Variants in RAD52 observed in about 807,000 individuals in gnomAD.
RAD52 encodes the protein DNA repair protein RAD52 homolog.
In RAD52, 47 loss-of-function variants were observed where a neutral mutation model predicts 55.5. The observed-to-expected ratio is 0.85, with a 90% CI of 0.67 to 1.08. RAD52 has a LOEUF of 1.08. Among genes scored for constraint, RAD52 ranks in the 50% least tolerant of loss-of-function variants. RAD52 has a pLI of 0.00. For missense variants in RAD52, 468 were observed against 522.8 expected, an observed-to-expected ratio of 0.90 and a Z score of 1.02; for synonymous variants, 184 against 198.9, an observed-to-expected ratio of 0.92 and a Z score of 0.63.
chr12:975,154 T>C (rs1958918887), intron 1 of RAD52: 1 of 149,332 alleles, frequency 6.7e-6, no homozygotes, highest in African/African-American at 2.5e-5. Flanking sequence ...AGGAAAAACA[T>C]AATATGTATA....
intron 6 of RAD52, chr12:926,733 T>C: frequency 1.4e-6 from 2 of 1,442,286 alleles, no homozygotes; most frequent in Admixed American, 4.2e-5. Flanking sequence ...TATTCCTGTA[T>C]AGCAACATAA....
chr12:916,764 C>CA lies in RAD52; in HGVS notation c.599dup (p.Glu201GlyfsTer85). ...GGCAGCTGTTGTATCTTGCCTCCTC[C>CA]ACAGACGGTTCAAGATCTTGTCTCT... On this transcript the variant is annotated frameshift_variant, in exon 8 of 12. Coordinates refer to ENST00000358495, the MANE Select transcript of RAD52 (RefSeq NM_134424.4). LOFTEE classifies it high-confidence loss of function. The CA allele has an allele frequency of 6.2e-7, 1 of 1,614,180 alleles. No homozygotes were observed. Among genetic ancestry groups the CA allele is most frequent in the South Asian group, 1.1e-5 (1 of 91,082 alleles).
upstream of RAD52, among the ~76,000 whole-genome samples, chr12:952,229 G>A (rs1397013308): frequency 6.6e-6 from 1 of 152,124 alleles, no homozygotes; most frequent in Non-Finnish European, 1.5e-5. Flanking sequence ...CTCCCAAAGT[G>A]CTGGAACTGC....
At chr12:919,712 C>T (rs1252405195) in intron 7 of RAD52, among the ~76,000 whole-genome samples, 1 of 111,636 alleles carries the variant, frequency 9.0e-6, no homozygotes, top group Non-Finnish European at 1.9e-5. Context: ...GATAGCGCCA[C>T]TGCACTCCAG....
chr12:963,329 A>T (rs2154120785), intron 1 of RAD52, among the ~76,000 whole-genome samples: 1 of 152,158 alleles, frequency 6.6e-6, no homozygotes, highest in Admixed American at 6.6e-5. Flanking sequence ...TTATTAATCC[A>T]CTCCCATGTG....
chr12:972,958 C>T (rs983205939), intron 1 of RAD52, among the ~76,000 whole-genome samples: 2 of 151,790 alleles, frequency 1.3e-5, no homozygotes, highest in Non-Finnish European at 2.9e-5. Flanking sequence ...GATTTTACTC[C>T]GAGTGAGACT....
intron 10 of RAD52, 26 bp downstream of exon 10, chr12:914,405 G>A: frequency 1.9e-6 from 3 of 1,613,024 alleles, no homozygotes; most frequent in Non-Finnish European, 2.5e-6. Flanking sequence ...CAGCACAGTA[G>A]CTTACAAGCA....
chr12:914,295 A>T, intron 10 of RAD52, 136 bp downstream of exon 10: 1 of 1,368,626 alleles, frequency 7.3e-7, no homozygotes, highest in Non-Finnish European at 9.8e-7. Flanking sequence ...CCAAAGAGGA[A>T]CTGGACATAT....
chr12:978,890 G>GA (rs145600412), intron 1 of RAD52, among the ~76,000 whole-genome samples: 2 of 149,522 alleles, frequency 1.3e-5, no homozygotes, highest in South Asian at 2.1e-4. Flanking sequence ...TAGATGATAG[G>GA]TAGATAGATA....
At chr12:926,032 G>C (rs1957015637) in intron 6 of RAD52, among the ~76,000 whole-genome samples, 1 of 152,146 alleles carries the variant, frequency 6.6e-6, no homozygotes, top group African/African-American at 2.4e-5. Flanking sequence ...GATATGGTTT[G>C]GATGTTTATC....
At chr12:924,990 G>A (rs1344576712) in intron 7 of RAD52, among the ~76,000 whole-genome samples, 6 of 142,012 alleles carry the variant, frequency 4.2e-5, no homozygotes, top group South Asian at 4.4e-4. Context: ...TGGCTCTGTC[G>A]CCCAGGTTGG....
intron 5 of RAD52, 164 bp downstream of exon 5, chr12:929,655 G>A (rs940667284): frequency 1.0e-5 from 8 of 797,522 alleles, no homozygotes; most frequent in Non-Finnish European, 1.6e-5. Flanking sequence ...TTCTTTTAGG[G>A]AGCACATGAG....
intron 1 of RAD52, chr12:976,154 C>A (rs1374910024): frequency 1.3e-5 from 2 of 152,232 alleles, no homozygotes; most frequent in African/African-American, 2.4e-5. Flanking sequence ...CCCGTCTCCA[C>A]TAAAAATACA....
rs71896741 is a variant in RAD52, at chr12:912,527, A to ATATTC, written c.*863_*864insGAATA. On this transcript the variant is annotated 3_prime_UTR_variant, in exon 12 of 12. Coordinates refer to ENST00000358495, the MANE Select transcript of RAD52 (RefSeq NM_134424.4). ...CATTTCAGATAAGCAATATATATAT[A>ATATTC]TTCTATTTTGTTAATAAGGTATACG... is the stretch of plus-strand genomic sequence containing the variant. The ATATTC allele has an allele frequency of 1.1e-5, 2 of 184,040 alleles. No individual in the cohort carries two copies. The highest frequency in any genetic ancestry group is 6.3e-5 in the Admixed American group (1 of 15,992). The allele number at this position is 184,040 out of a possible 1,614,324, so 11.4% of individuals were successfully genotyped here.
rs770234586 is a variant in RAD52 at position 916,430 on chromosome 12, C to T, written c.779G>A (p.Arg260Gln). ...GAACTGCTGCTGCAGCTGCTTCTGC[C>T]GGAGCTTCCGCTGGTGCGTGGCCTC... The part of the protein sequence containing the change: ...ESEATHQRKL[R>Q]QKQLQQQFRE... Residue 260 changes from arginine (R) to glutamine (Q), a missense_variant, in exon 9 of 12, where the codon CGG becomes CAG. By Grantham distance (43) the Arg-to-Gln change is conservative. Coordinates refer to ENST00000358495, the MANE Select transcript of RAD52 (RefSeq NM_134424.4). 1.1e-5 allele frequency: 17 copies of T among 1,607,616 alleles called. No individual in the cohort carries two copies. The Admixed American group carries it at 1.2e-4, about 11-fold the overall frequency.
chr12:913,436 A>G lies in RAD52; in HGVS notation c.1212T>C (p.His404=), dbSNP rs754459541. The change falls in exon 12 of 12, where the codon CAT becomes CAC. Residue 404 remains histidine (H), a synonymous_variant. Coordinates refer to ENST00000358495, the MANE Select transcript of RAD52 (RefSeq NM_134424.4). Reference sequence around the variant, plus strand: ...TTTTCTTCATGTCCTGGCTCTTCCTATGAGATTCCCAGTTTCCTATGGAAG... The same window carrying G: ...TTTTCTTCATGTCCTGGCTCTTCCTGTGAGATTCCCAGTTTCCTATGGAAG... The part of the protein sequence containing the change: ...DQRTTGNWES[H]RKSQDMKKRK... The G allele has an allele frequency of 7.5e-6, 12 of 1,606,034 alleles. No individual in the cohort carries two copies. The highest frequency in any genetic ancestry group is 2.7e-5 in the African/African-American group (2 of 74,662).
intron 5 of RAD52, among the ~76,000 whole-genome samples, chr12:928,021 G>A (rs187110631): frequency 2.0e-5 from 3 of 152,256 alleles, no homozygotes; most frequent in East Asian, 3.9e-4. Flanking sequence ...CACATCATTC[G>A]CTGATTGAGA....
At chr12:944,092 C>T (rs1447897534) in intron 1 of RAD52, among the ~76,000 whole-genome samples, 2 of 152,010 alleles carry the variant, frequency 1.3e-5, no homozygotes, top group East Asian at 1.9e-4. Context: ...GGAATGTTCC[C>T]GTAGTCCTAG....
chr12:916,122 CG>C, intron 9 of RAD52: 1 of 1,247,658 alleles, frequency 8.0e-7, no homozygotes, highest in Non-Finnish European at 1.0e-6. Flanking sequence ...CTTAGTTCCA[CG>C]GGGGAAAAAA....
Sources: allele counts gnomAD v4.1 joint callset (sites outside exome capture counted in the v4.1 genomes callset), GRCh38; gene constraint gnomAD v4.1.1; transcripts MANE v1.5; gene names NCBI Gene and HGNC (gene_info 2026-07-23, HGNC 2026-07-21).